Variants in DGKI observed in about 807,000 individuals in gnomAD.
The protein encoded by DGKI is DAG kinase iota.
Under a neutral mutation model 147.5 loss-of-function variants are expected in DGKI, and 55 were observed. The ratio of observed to expected loss-of-function variants is 0.37; its 90% CI spans 0.30 to 0.47. The LOEUF is 0.47. DGKI is among the 20% of genes least tolerant of loss of function. The probability of loss-of-function intolerance (pLI) is 1.00; values close to 1 mark genes in which losing one functional copy is unlikely to be tolerated. For synonymous variants in DGKI, 469 were observed against 477.1 expected (o/e 0.98, Z 0.22); for missense variants, 1,007 against 1,323.8 (o/e 0.76, Z 3.71).
At chr7:137,843,789 A>ACACG (rs1002365496) in intron 1 of DGKI, among the ~76,000 whole-genome samples, 3 of 150,494 alleles carry the variant, frequency 2.0e-5, no homozygotes, top group Admixed American at 1.3e-4. Context: ...ACACACACAC[A>ACACG]CACACACCCT....
intron 3 of DGKI, among the ~76,000 whole-genome samples, chr7:137,659,089 G>A (rs981404481): frequency 6.6e-6 from 1 of 152,160 alleles, no homozygotes; most frequent in Non-Finnish European, 1.5e-5. Context: ...ACAAAGAACA[G>A]TCATTTTTCT....
At chr7:137,551,654 G>T (rs116866527) in intron 20 of DGKI, among the ~76,000 whole-genome samples, 1,633 of 152,276 alleles carry the variant, frequency 0.011, 19 homozygotes, top group Non-Finnish European at 0.017. Flanking sequence ...GTTGGAGTGA[G>T]ACACACTATA....
At chr7:137,651,603 T>G (rs1465519493) in intron 5 of DGKI, among the ~76,000 whole-genome samples, 1 of 152,160 alleles carries the variant, frequency 6.6e-6, no homozygotes, top group Non-Finnish European at 1.5e-5. Context: ...AAATGTAAAG[T>G]TAGGAGTTGT....
In DGKI at chr7:137,578,375, C is replaced by A. The variant is rs151262550; in HGVS notation, c.1643-50G>T. Reference sequence around the variant, plus strand: ...GTTATGGAGACCTCACTAAAGGTAGCGACTTAGATTAGCACTCCTACTTCC... The same window carrying A: ...GTTATGGAGACCTCACTAAAGGTAGAGACTTAGATTAGCACTCCTACTTCC... On this transcript the variant is annotated intron_variant, in intron 15 of 32. Transcript: ENST00000614521. 3.6e-3 allele frequency: 5,031 copies of A among 1,387,728 alleles called. 15 individuals are homozygous for A. The highest frequency in any genetic ancestry group is 4.5e-3 in the Non-Finnish European group (4,370 of 974,870). The allele number at this position is 1,387,728 out of a possible 1,614,324, so 86.0% of individuals were successfully genotyped here. A position where few individuals can be genotyped will look rare whatever the true frequency, so the allele number is the denominator to read the frequency against.
At chr7:137,707,602 G>A (rs1390284184) in intron 1 of DGKI, among the ~76,000 whole-genome samples, 1 of 152,118 alleles carries the variant, frequency 6.6e-6, no homozygotes, top group African/African-American at 2.4e-5. Flanking sequence ...GTTTAAAAGT[G>A]CATAGCACCT....
chr7:137,585,926 G>T (rs887384267), intron 13 of DGKI, among the ~76,000 whole-genome samples: 2 of 152,150 alleles, frequency 1.3e-5, no homozygotes, highest in Non-Finnish European at 2.9e-5. Context: ...AATAGGATAT[G>T]CAAGGCTCTG....
chr7:137,590,236 GGGAGGAAGAGA>G (rs1404054767), intron 12 of DGKI, among the ~76,000 whole-genome samples: 2 of 152,208 alleles, frequency 1.3e-5, no homozygotes, highest in East Asian at 1.9e-4. Context: ...TTTCATAGCA[GGGAGGAAGAGA>G]GGAGGAAGGA....
intron 8 of DGKI, among the ~76,000 whole-genome samples, chr7:137,618,392 A>ACT (rs955086307): frequency 6.6e-6 from 1 of 150,518 alleles, no homozygotes; most frequent in Non-Finnish European, 1.5e-5. Context: ...CCTGCCTGCT[A>ACT]CTCTCTCTCT....
intron 1 of DGKI, among the ~76,000 whole-genome samples, chr7:137,805,317 A>G (rs1207699448): frequency 6.6e-6 from 1 of 152,178 alleles, no homozygotes; most frequent in African/African-American, 2.4e-5. Flanking sequence ...TACCTGCCTG[A>G]CAATCACCAG....
chr7:137,662,219 G>A lies in DGKI; in HGVS notation c.607-5679C>T, dbSNP rs73454821. On this transcript the variant is annotated intron_variant, in intron 3 of 32. Coordinates refer to ENST00000614521, the MANE Select transcript of DGKI (RefSeq NM_001321708.2). ...TTTTGGACAAGCCAGGAGGGTGGCC[G>A]GCTGAAGTTCCAGCACACTCCTTTT... 6.8e-3 allele frequency among the ~76,000 whole-genome samples: 1,030 copies of A among 151,280 alleles called. 15 individuals carry two copies. Among genetic ancestry groups the A allele is most frequent in the African/African-American group, 0.024 (983 of 41,180 alleles).
intron 1 of DGKI, among the ~76,000 whole-genome samples, chr7:137,824,378 T>A (rs1407396628): frequency 6.6e-6 from 1 of 152,028 alleles, no homozygotes; most frequent in Non-Finnish European, 1.5e-5. Context: ...TAGCTGGGCA[T>A]GGTGGCACAT....
At chr7:137,703,848 G>C (rs972132003) in intron 1 of DGKI, among the ~76,000 whole-genome samples, 1 of 152,134 alleles carries the variant, frequency 6.6e-6, no homozygotes, top group Non-Finnish European at 1.5e-5. Flanking sequence ...AAAGAAACAA[G>C]AAAGTATCAC....
At chr7:137,757,991 T>C (rs1203406520) in intron 1 of DGKI, among the ~76,000 whole-genome samples, 1 of 152,256 alleles carries the variant, frequency 6.6e-6, no homozygotes, top group African/African-American at 2.4e-5. Context: ...GTTTTCTCTT[T>C]TCACAGCTAT....
intron 6 of DGKI, among the ~76,000 whole-genome samples, chr7:137,644,398 C>T (rs1294023884): frequency 6.6e-6 from 1 of 152,188 alleles, no homozygotes; most frequent in African/African-American, 2.4e-5. Flanking sequence ...CAGAGAAGAC[C>T]TTCATAACCA....
At chr7:137,513,667 C>G (rs180926105) in intron 21 of DGKI, among the ~76,000 whole-genome samples, 1 of 152,280 alleles carries the variant, frequency 6.6e-6, no homozygotes, top group Non-Finnish European at 1.5e-5. Context: ...CACACCTAGG[C>G]TATACGGTAT....
At chr7:137,466,483 AC>A (rs1814664947) in intron 25 of DGKI, among the ~76,000 whole-genome samples, 1 of 138,212 alleles carries the variant, frequency 7.2e-6, no homozygotes, top group African/African-American at 3.5e-5. Context: ...CTTGGGCAAA[AC>A]CATTTTTTTT....
At chr7:137,744,697 G>A (rs1050098439) in intron 1 of DGKI, among the ~76,000 whole-genome samples, 15 of 152,246 alleles carry the variant, frequency 9.9e-5, no homozygotes, top group African/African-American at 3.4e-4. Flanking sequence ...AATTCACCAT[G>A]ATAAAGTCAG....
At chr7:137,469,398 C>T in intron 24 of DGKI, 152 bp downstream of exon 24, 1 of 692,472 alleles carries the variant, frequency 1.4e-6, no homozygotes, top group East Asian at 2.7e-5. Context: ...TCAGCAGGCC[C>T]ACATTGTTCC....
At chr7:137,792,042 G>A (rs915782665) in intron 1 of DGKI, among the ~76,000 whole-genome samples, 4 of 152,184 alleles carry the variant, frequency 2.6e-5, no homozygotes, top group Admixed American at 6.5e-5. Context: ...AAAAGAGAGT[G>A]TCTTTTTCCC....
Sources: allele counts gnomAD v4.1 joint callset (sites outside exome capture counted in the v4.1 genomes callset), GRCh38; gene constraint gnomAD v4.1.1; transcripts MANE v1.5; gene names NCBI Gene and HGNC (gene_info 2026-07-23, HGNC 2026-07-21).